SMAD6: variants seen among roughly 807,000 people sequenced by gnomAD.
The protein encoded by SMAD6 is MAD homolog 6.
A neutral mutation model predicts 39.4 loss-of-function variants in SMAD6; 103 were observed. That is an observed-to-expected ratio of 2.62 (90% CI 2.23 to 3.08). The LOEUF is 3.08. SMAD6 is among the 30% of genes most tolerant of loss of function. The pLI is 0.00. For synonymous variants in SMAD6, 445 were observed against 353.3 expected, an observed-to-expected ratio of 1.26 and a Z score of -2.91; for missense variants, 1,104 against 742.9, an observed-to-expected ratio of 1.49 and a Z score of -5.65.
At chr15:66,714,319 T>C (rs915491946) in intron 2 of SMAD6, among the ~76,000 whole-genome samples, 2 of 152,066 alleles carry the variant, frequency 1.3e-5, no homozygotes, top group Non-Finnish European at 1.5e-5. Context: ...GGTGGTCAAA[T>C]AGCTCAGCCC....
chr15:66,758,136 A>G (rs1347802506), intron 3 of SMAD6, among the ~76,000 whole-genome samples: 11 of 152,258 alleles, frequency 7.2e-5, no homozygotes, highest in Non-Finnish European at 1.5e-5. Flanking sequence ...TTAACCACAG[A>G]GATCCCTGTA....
In SMAD6 at chr15:66,730,797, C is replaced by T. The variant is rs1055829904; in HGVS notation, c.952+14299C>T. ...TATCTCCACTTGATAGATGAAAAAACTGAGGCTCAGAGGGGAGAGGTAATT... is the reference window on the plus strand; with the variant it reads ...TATCTCCACTTGATAGATGAAAAAATTGAGGCTCAGAGGGGAGAGGTAATT... On this transcript the variant is annotated intron_variant, in intron 3 of 3. Transcript: ENST00000288840. Among the ~76,000 whole-genome samples, 6 of 152,336 alleles carry T rather than the reference C, an allele frequency of 3.9e-5. No homozygotes were observed. The East Asian group carries it at 1.2e-3, about 29-fold the overall frequency.
chr15:66,711,120 A>G (rs1428304578), intron 1 of SMAD6, among the ~76,000 whole-genome samples: 1 of 152,192 alleles, frequency 6.6e-6, no homozygotes, highest in African/African-American at 2.4e-5. Flanking sequence ...ACAACACACC[A>G]TATTTTAGTA....
At chr15:66,738,802 C>T (rs1893760713) in intron 3 of SMAD6, among the ~76,000 whole-genome samples, 1 of 151,988 alleles carries the variant, frequency 6.6e-6, no homozygotes, top group Non-Finnish European at 1.5e-5. Flanking sequence ...GATGCTTTGG[C>T]AGTTTGAGGG....
intron 3 of SMAD6, among the ~76,000 whole-genome samples, chr15:66,728,985 T>G (rs538140340): frequency 6.6e-6 from 1 of 152,370 alleles, no homozygotes; most frequent in African/African-American, 2.4e-5. Flanking sequence ...TATTAGATAC[T>G]GTGCCAGACT....
chr15:66,717,761 G>A (rs1893358606), intron 3 of SMAD6, among the ~76,000 whole-genome samples: 1 of 152,168 alleles, frequency 6.6e-6, no homozygotes, highest in African/African-American at 2.4e-5. Flanking sequence ...GGGCAACCTG[G>A]TCCTGGGCTG....
chr15:66,703,881 T>A lies in SMAD6; in HGVS notation c.623T>A (p.Val208Glu). 1 of 1,314,400 alleles carries A rather than the reference T, an allele frequency of 7.6e-7. No individual in the cohort carries two copies. Among genetic ancestry groups the A allele is most frequent in the Non-Finnish European group, 9.7e-7 (1 of 1,030,648 alleles). 81.4% of individuals were successfully genotyped at this position (1,314,400 alleles called of 1,614,324 possible). Residue 208 changes from valine (V) to glutamate (E), a missense_variant, in exon 1 of 4, where the codon GTG (valine) becomes GAG (glutamate). Coordinates refer to ENST00000288840, the MANE Select transcript of SMAD6 (RefSeq NM_005585.5). ...GGCGTGCCGGGCGGCTGCGTGCTGG[T>A]GCCGCGCGCCGACCTCCGCCTGGGC... ...RGGVPGGCVL[V>E]PRADLRLGGQ...
chr15:66,746,866 G>T (rs1893917665), intron 3 of SMAD6, among the ~76,000 whole-genome samples: 1 of 152,162 alleles, frequency 6.6e-6, no homozygotes, highest in South Asian at 2.1e-4. Context: ...CCAGCTTCAT[G>T]TGATTCACAG....
chr15:66,728,401 T>TG (rs112868225), intron 3 of SMAD6, among the ~76,000 whole-genome samples: 5 of 92,622 alleles, frequency 5.4e-5, no homozygotes, highest in South Asian at 4.0e-4. Context: ...CATCCTTTTG[T>TG]TTTTTTTTTG....
chr15:66,723,789 C>T (rs1893476177), intron 3 of SMAD6, among the ~76,000 whole-genome samples: 1 of 152,174 alleles, frequency 6.6e-6, no homozygotes, highest in Admixed American at 6.5e-5. Context: ...AAAGACTGGA[C>T]CTTCCCCTCT....
At chr15:66,731,476 G>A (rs1186090811) in intron 3 of SMAD6, among the ~76,000 whole-genome samples, 1 of 151,084 alleles carries the variant, frequency 6.6e-6, no homozygotes, top group Non-Finnish European at 1.5e-5. Context: ...AGTCTTTGTA[G>A]TCAGCCCAAC....
chr15:66,778,593 C>A (rs1894506753), intron 3 of SMAD6, among the ~76,000 whole-genome samples: 1 of 152,132 alleles, frequency 6.6e-6, no homozygotes, highest in African/African-American at 2.4e-5. Flanking sequence ...TAAATAGTAA[C>A]CTCTAGGGCT....
chr15:66,740,290 T>C (rs886328858), intron 3 of SMAD6, among the ~76,000 whole-genome samples: 2 of 152,226 alleles, frequency 1.3e-5, no homozygotes, highest in Non-Finnish European at 2.9e-5. Context: ...GGGCATGAAT[T>C]GAAGGCTCTT....
In SMAD6 at chr15:66,747,726, C is replaced by A. The variant is rs865989407; in HGVS notation, c.952+31228C>A. On this transcript the variant is annotated intron_variant, in intron 3 of 3. Coordinates refer to ENST00000288840, the MANE Select transcript of SMAD6 (RefSeq NM_005585.5). The surrounding 1 kb of genome is among the most constrained non-coding windows in gnomAD (Gnocchi z 4.5). ...AATTTGATAGAGGTTGAACGAAACA[C>A]CTGCCTTAGAATGCAGGGCCAATGC... Among the ~76,000 whole-genome samples the A allele has an allele frequency of 2.0e-5, 3 of 152,236 alleles. No individual in the cohort carries two copies. The highest frequency in any genetic ancestry group is 7.2e-5 in the African/African-American group (3 of 41,460).
At position 66,703,498 on chromosome 15, in the gene SMAD6, G is replaced by T. The variant is rs937555039; in HGVS notation, c.240G>T (p.Ala80=). Residue 80 remains alanine (A), a synonymous_variant, in exon 1 of 4, where the codon GCG becomes GCT. Transcript: ENST00000288840. ...TGGGACAGCGAGGCGCCCAGGGCGCGGGGAGGCGCCGGCGCGCAGGGGGCC... is the reference window on the plus strand; with the variant it reads ...TGGGACAGCGAGGCGCCCAGGGCGCTGGGAGGCGCCGGCGCGCAGGGGGCC... ...DAVGQRGAQG[A]GRRRRAGGPP... 2 of 1,228,580 alleles carry T rather than the reference G, an allele frequency of 1.6e-6. No homozygotes were observed. The highest frequency in any genetic ancestry group is 1.0e-6 in the Non-Finnish European group (1 of 981,974). The allele number at this position is 1,228,580 out of a possible 1,614,324, so 76.1% of individuals were successfully genotyped here.
intron 3 of SMAD6, among the ~76,000 whole-genome samples, chr15:66,773,670 C>T (rs1441245370): frequency 6.6e-6 from 1 of 152,108 alleles, no homozygotes; most frequent in East Asian, 1.9e-4. Flanking sequence ...AAGCCACAGG[C>T]ATGACACGGG....
intron 3 of SMAD6, among the ~76,000 whole-genome samples, chr15:66,751,753 C>T (rs1309155220): frequency 6.6e-6 from 1 of 152,210 alleles, no homozygotes; most frequent in African/African-American, 2.4e-5. Flanking sequence ...GTCCATTCTA[C>T]CCCCCACACC....
At chr15:66,752,533 C>A (rs1457366628) in intron 3 of SMAD6, among the ~76,000 whole-genome samples, 1 of 152,138 alleles carries the variant, frequency 6.6e-6, no homozygotes, top group Non-Finnish European at 1.5e-5. Context: ...TACCTTTAAT[C>A]CCAGCACTTT....
chr15:66,715,436 G>T (rs1567096083), intron 2 of SMAD6, among the ~76,000 whole-genome samples: 2 of 152,332 alleles, frequency 1.3e-5, no homozygotes, highest in East Asian at 3.9e-4. Context: ...GGAATCCTTT[G>T]CCTGGAGTAG....
Sources: gnomAD v4.1 joint callset for allele counts (sites outside exome capture counted in the v4.1 genomes callset) on GRCh38, gnomAD v4.1.1 for gene constraint, Gnocchi (gnomAD v3.1) non-coding constraint, MANE v1.5 for transcripts, NCBI Gene and HGNC (gene_info 2026-07-23, HGNC 2026-07-21) for gene names.